SMYD3: variants seen among roughly 807,000 people sequenced by gnomAD.
The protein encoded by SMYD3 is SET and MYND domain containing 3.
In SMYD3, 36 loss-of-function variants were observed where a neutral mutation model predicts 57.7. The observed-to-expected ratio is 0.62, with a 90% CI of 0.48 to 0.82. SMYD3 has a LOEUF of 0.82. SMYD3 is among the 40% of genes least tolerant of loss of function. The probability of loss-of-function intolerance (pLI) is 0.00; values close to 1 mark genes in which losing one functional copy is unlikely to be tolerated. For missense variants in SMYD3, 515 were observed against 538.8 expected (o/e 0.96, Z 0.44); for synonymous variants, 211 against 195.0 (o/e 1.08, Z -0.68).
chr1:245,759,295 C>T (rs527978385), intron 11 of SMYD3, among the ~76,000 whole-genome samples: 4 of 152,190 alleles, frequency 2.6e-5, no homozygotes, highest in African/African-American at 9.6e-5. Flanking sequence ...TCCGCATGCC[C>T]TCTTACTCCC....
At chr1:246,278,416 C>T (rs975556940) in intron 5 of SMYD3, among the ~76,000 whole-genome samples, 3 of 152,110 alleles carry the variant, frequency 2.0e-5, no homozygotes, top group African/African-American at 7.2e-5. Flanking sequence ...GTCACTCCTG[C>T]CAATTACATT....
rs546199033 is a variant in SMYD3 at position 246,356,297 on chromosome 1, GCCCTTGAGT to G, written c.165-1212_165-1204del. ...TTGGAACAAAAGTATCTGAACAGCA[GCCCTTGAGT>G]CCCATGTCTCCCCTCTGACACAGTC... On this transcript the variant is annotated intron_variant, in intron 1 of 11. Coordinates refer to ENST00000490107, the MANE Select transcript of SMYD3 (RefSeq NM_001167740.2). Among the ~76,000 whole-genome samples the G allele has an allele frequency of 1.7e-3, 255 of 152,254 alleles. 1 individual carries two copies. The highest frequency in any genetic ancestry group is 5.7e-3 in the African/African-American group (237 of 41,542).
chr1:246,019,114 G>A (rs936155871), intron 5 of SMYD3, among the ~76,000 whole-genome samples: 1 of 152,020 alleles, frequency 6.6e-6, no homozygotes, highest in Non-Finnish European at 1.5e-5. Flanking sequence ...TTGCATTTCT[G>A]AACTTCTCCA....
At chr1:245,949,270 T>G (rs754487904) in intron 5 of SMYD3, among the ~76,000 whole-genome samples, 2 of 152,052 alleles carry the variant, frequency 1.3e-5, no homozygotes, top group African/African-American at 4.8e-5. Flanking sequence ...TGGATGCCAG[T>G]GTACACAGCC....
intron 5 of SMYD3, among the ~76,000 whole-genome samples, chr1:246,227,947 T>C (rs895338910): frequency 4.8e-5 from 7 of 145,008 alleles, no homozygotes; most frequent in Non-Finnish European, 8.9e-5. Flanking sequence ...CATTTCCTTA[T>C]TTTTATTCCT....
intron 5 of SMYD3, among the ~76,000 whole-genome samples, chr1:246,215,062 C>T (rs1439754166): frequency 1.3e-5 from 2 of 152,178 alleles, no homozygotes; most frequent in South Asian, 4.1e-4. Flanking sequence ...GATGATTCAT[C>T]GGTCATCACC....
At chr1:246,407,671 G>C (rs994514037) in intron 1 of SMYD3, among the ~76,000 whole-genome samples, 16 of 151,802 alleles carry the variant, frequency 1.1e-4, no homozygotes, top group African/African-American at 1.9e-4. Flanking sequence ...GTGAAACCTC[G>C]TCTCTACTAC....
intron 1 of SMYD3, among the ~76,000 whole-genome samples, chr1:246,430,531 A>G (rs2067281008): frequency 1.3e-5 from 2 of 152,232 alleles, no homozygotes; most frequent in South Asian, 4.1e-4. Context: ...GACACTGAAC[A>G]TTCTTGGGCA....
intron 5 of SMYD3, among the ~76,000 whole-genome samples, chr1:245,935,702 C>T (rs1442584952): frequency 2.6e-5 from 4 of 152,094 alleles, no homozygotes; most frequent in Middle Eastern, 3.2e-3. Context: ...ATATTCAGCC[C>T]TTAAAAAGAA....
chr1:246,290,776 T>A (rs2064674520), intron 5 of SMYD3, among the ~76,000 whole-genome samples: 1 of 152,102 alleles, frequency 6.6e-6, no homozygotes, highest in South Asian at 2.1e-4. Context: ...TGGAAAAAAA[T>A]CTAGCTTCCT....
chr1:246,134,984 T>G (rs2061646369), intron 5 of SMYD3, among the ~76,000 whole-genome samples: 1 of 149,226 alleles, frequency 6.7e-6, no homozygotes, highest in African/African-American at 2.5e-5. Flanking sequence ...TGCTGTTTGG[T>G]ACCTTGGTTA....
Position 246,472,363 on chromosome 1 carries a change from T to G in SMYD3, c.164+34691A>C, listed in dbSNP as rs138512608. 8.1e-4 allele frequency among the ~76,000 whole-genome samples: 123 copies of G among 152,376 alleles called. 1 individual carries two copies. In the East Asian group the frequency reaches 0.023, roughly 29 times the overall value. Reference sequence around the variant, plus strand: ...CACCTTTTACTATGTTGTTTTTTGTTGTCATTGTTTTTCGCTATACCTGCT... The same window carrying G: ...CACCTTTTACTATGTTGTTTTTTGTGGTCATTGTTTTTCGCTATACCTGCT... On this transcript the variant is annotated intron_variant, in intron 1 of 11. Transcript: ENST00000490107.
intron 5 of SMYD3, among the ~76,000 whole-genome samples, chr1:246,077,078 C>CA (rs1324659669): frequency 1.3e-5 from 2 of 152,184 alleles, no homozygotes; most frequent in East Asian, 3.9e-4. Flanking sequence ...AAGTGTAGGA[C>CA]AATTCAGGGA....
chr1:245,801,410 C>T (rs190035844), intron 10 of SMYD3, among the ~76,000 whole-genome samples: 11 of 152,316 alleles, frequency 7.2e-5, no homozygotes, highest in Non-Finnish European at 8.8e-5. Context: ...GCCACGGTAA[C>T]TAAACTTACT....
intron 5 of SMYD3, among the ~76,000 whole-genome samples, chr1:246,275,019 G>A (rs1414813180): frequency 6.6e-6 from 1 of 152,000 alleles, no homozygotes; most frequent in Non-Finnish European, 1.5e-5. Flanking sequence ...ACTTTTATAG[G>A]CAGATTTTTT....
intron 1 of SMYD3, 76 bp downstream of exon 1, chr1:246,506,978 G>GCC: frequency 2.6e-6 from 3 of 1,174,516 alleles, no homozygotes; most frequent in African/African-American, 2.0e-5. Flanking sequence ...CGCGGCTGCC[G>GCC]GCCGCCCGAC....
chr1:245,948,791 A>G (rs1033802779), intron 5 of SMYD3, among the ~76,000 whole-genome samples: 8 of 152,144 alleles, frequency 5.3e-5, no homozygotes, highest in Non-Finnish European at 8.8e-5. Flanking sequence ...CCATGCACAT[A>G]CAAGTACCCT....
intron 5 of SMYD3, among the ~76,000 whole-genome samples, chr1:246,201,238 A>C (rs957500768): frequency 1.3e-5 from 2 of 152,216 alleles, no homozygotes; most frequent in African/African-American, 4.8e-5. Context: ...AGCAGTAATA[A>C]GAGATACCAG....
chr1:245,872,395 G>A (rs2052249130), intron 8 of SMYD3, among the ~76,000 whole-genome samples: 1 of 142,266 alleles, frequency 7.0e-6, no homozygotes. Flanking sequence ...CCCCAGGATG[G>A]ATGTCCTCTT....
Sources: gnomAD v4.1 joint callset for allele counts (sites outside exome capture counted in the v4.1 genomes callset) on GRCh38, gnomAD v4.1.1 for gene constraint, MANE v1.5 for transcripts, NCBI Gene and HGNC (gene_info 2026-07-23, HGNC 2026-07-21) for gene names.